Variants in SETBP1 observed in about 807,000 individuals in gnomAD.
The protein encoded by SETBP1 is SET-binding protein.
A neutral mutation model predicts 101.0 loss-of-function variants in SETBP1; 9 were observed. The ratio of observed to expected loss-of-function variants is 0.09; its 90% confidence interval spans 0.05 to 0.16. The LOEUF is 0.16. Ranked by LOEUF, SETBP1 falls within the 10% of genes least tolerant of loss-of-function variation. The pLI is 1.00. For synonymous variants in SETBP1, 818 were observed against 788.5 expected, an observed-to-expected ratio of 1.04 and a Z score of -0.63; for missense variants, 1,858 against 2,033.8, an observed-to-expected ratio of 0.91 and a Z score of 1.66.
intron 2 of SETBP1, among the ~76,000 whole-genome samples, chr18:44,732,105 A>G (rs910592570): frequency 2.0e-5 from 3 of 152,178 alleles, no homozygotes; most frequent in African/African-American, 7.2e-5. Context: ...TGTCTGTGTG[A>G]GTATGCAAAT....
At chr18:44,790,364 TG>T (rs1199788119) in intron 2 of SETBP1, among the ~76,000 whole-genome samples, 1 of 152,228 alleles carries the variant, frequency 6.6e-6, no homozygotes, top group Non-Finnish European at 1.5e-5. Flanking sequence ...TAGCACCACA[TG>T]GACTCTCGTT....
chr18:44,766,337 G>A (rs1490084325), intron 2 of SETBP1, among the ~76,000 whole-genome samples: 1 of 152,156 alleles, frequency 6.6e-6, no homozygotes, highest in Non-Finnish European at 1.5e-5. Flanking sequence ...TCTGTAAATT[G>A]GAATGATGAT....
upstream of SETBP1, among the ~76,000 whole-genome samples, chr18:44,680,562 C>A (rs2068741785): frequency 6.6e-6 from 1 of 152,084 alleles, no homozygotes; most frequent in Non-Finnish European, 1.5e-5. Flanking sequence ...AGGGGGAGAC[C>A]GGGCCGAGGG....
chr18:44,788,090 T>TA (rs2071284259), intron 2 of SETBP1, among the ~76,000 whole-genome samples: 1 of 151,734 alleles, frequency 6.6e-6, no homozygotes, highest in Non-Finnish European at 1.5e-5. Context: ...TCCCAGATGT[T>TA]AGGTGGAAAA....
Position 44,726,789 on chromosome 18 carries a change from A to G in SETBP1, c.486+24957A>G, listed in dbSNP as rs184964020. On this transcript the variant is annotated intron_variant, in intron 2 of 5. Coordinates refer to ENST00000649279, the MANE Select transcript of SETBP1 (RefSeq NM_015559.3). The stretch of plus-strand genomic sequence containing the variant: ...ACACAACTGTGTGCTTCGTTACATA[A>G]TTTGTTTTTGTAATAATACGTGGAG... Among the ~76,000 whole-genome samples the G allele has an allele frequency of 3.0e-4, 45 of 152,294 alleles. No homozygotes were observed. The East Asian group carries it at 4.4e-3, about 15-fold the overall frequency.
intron 3 of SETBP1, among the ~76,000 whole-genome samples, chr18:44,934,591 C>T (rs1055382998): frequency 8.5e-5 from 13 of 152,202 alleles, no homozygotes; most frequent in Non-Finnish European, 1.8e-4. Flanking sequence ...GTGTAGGAAA[C>T]TCTAGTGTAA....
In SETBP1 at chr18:44,734,097, G is replaced by T. The variant is rs116109362; in HGVS notation, c.486+32265G>T. Among the ~76,000 whole-genome samples the T allele has an allele frequency of 4.3e-3, 652 of 152,272 alleles. 4 individuals are homozygous for T. The highest frequency in any genetic ancestry group is 0.015 in the African/African-American group (608 of 41,538). ...GAAAATCAGACCCTGTTGAGGCCTGGTCCAGGGGCTTTCTAGTACACTAGT... is the reference window on the plus strand; with the variant it reads ...GAAAATCAGACCCTGTTGAGGCCTGTTCCAGGGGCTTTCTAGTACACTAGT... On this transcript the variant is annotated intron_variant, in intron 2 of 5. Transcript: ENST00000649279.
chr18:44,923,968 G>T (rs2070639061), intron 3 of SETBP1, among the ~76,000 whole-genome samples: 1 of 152,124 alleles, frequency 6.6e-6, no homozygotes, highest in Admixed American at 6.5e-5. Flanking sequence ...AGGTGCATTT[G>T]CAGAAGTCCC....
intron 3 of SETBP1, chr18:44,869,702 GC>G (rs999117417): frequency 6.1e-5 from 18 of 296,554 alleles, no homozygotes; most frequent in African/African-American, 3.5e-4. Flanking sequence ...AGGCCTGATA[GC>G]CAAGTTAATC....
chr18:44,781,102 G>T (rs1199198224), intron 2 of SETBP1, among the ~76,000 whole-genome samples: 1 of 152,196 alleles, frequency 6.6e-6, no homozygotes, highest in Non-Finnish European at 1.5e-5. Context: ...GGTAGGAACA[G>T]GGTACAGGGT....
intron 4 of SETBP1, among the ~76,000 whole-genome samples, chr18:44,962,107 C>T (rs562972939): frequency 1.3e-5 from 2 of 152,330 alleles, no homozygotes; most frequent in Admixed American, 6.5e-5. Context: ...ACTAAGTTAG[C>T]ATTCGTAAAA....
chr18:44,772,888 C>T (rs1347213078), intron 2 of SETBP1, among the ~76,000 whole-genome samples: 1 of 152,192 alleles, frequency 6.6e-6, no homozygotes, highest in African/African-American at 2.4e-5. Flanking sequence ...CCTTAAGCGT[C>T]TTCTACCTGA....
In SETBP1 at chr18:44,965,229, A is replaced by AT. The variant is rs1304749112; in HGVS notation, c.4000+11891dup. On this transcript the variant is annotated intron_variant, in intron 4 of 5. Coordinates refer to ENST00000649279, the MANE Select transcript of SETBP1 (RefSeq NM_015559.3). Reference sequence around the variant, plus strand: ...ATGTAATCAGCCAGTTTCTTTTACAATTACCACTCTCACTTCGCACACATA... The same window carrying AT: ...ATGTAATCAGCCAGTTTCTTTTACAATTTACCACTCTCACTTCGCACACATA... Among the ~76,000 whole-genome samples, 4 of 151,878 alleles carry AT rather than the reference A, an allele frequency of 2.6e-5. No homozygotes were observed. In the East Asian group the frequency reaches 7.8e-4, roughly 29 times the overall value.
At chr18:44,807,486 G>A (rs1325868480) in intron 2 of SETBP1, among the ~76,000 whole-genome samples, 1 of 151,970 alleles carries the variant, frequency 6.6e-6, no homozygotes, top group East Asian at 1.9e-4. Flanking sequence ...TTGTTTGTTT[G>A]TTTGTTTTTC....
intron 2 of SETBP1, among the ~76,000 whole-genome samples, chr18:44,772,158 TG>T (rs1267128977): frequency 6.6e-6 from 1 of 152,140 alleles, no homozygotes; most frequent in African/African-American, 2.4e-5. Flanking sequence ...TTTGATCTTC[TG>T]TGACCTGGGC....
intron 2 of SETBP1, among the ~76,000 whole-genome samples, chr18:44,769,364 A>G (rs144310908): frequency 8.2e-4 from 125 of 152,344 alleles, no homozygotes; most frequent in African/African-American, 2.9e-3. Flanking sequence ...TTGGGAGCAA[A>G]AGGTTCAAAA....
chr18:44,907,823 C>T (rs1302976016), intron 3 of SETBP1, among the ~76,000 whole-genome samples: 1 of 152,132 alleles, frequency 6.6e-6, no homozygotes, highest in East Asian at 1.9e-4. Flanking sequence ...TGCCAGTGAC[C>T]TTCGAAGCAT....
chr18:44,920,268 C>T (rs966450645), intron 3 of SETBP1, among the ~76,000 whole-genome samples: 19 of 151,964 alleles, frequency 1.3e-4, no homozygotes, highest in Non-Finnish European at 2.5e-4. Flanking sequence ...TGTATGAGGG[C>T]GAAATGGATT....
At chr18:44,862,763 A>G (rs1010158771) in intron 2 of SETBP1, among the ~76,000 whole-genome samples, 9 of 152,204 alleles carry the variant, frequency 5.9e-5, no homozygotes, top group African/African-American at 1.4e-4. Flanking sequence ...CAAAGTGTAA[A>G]CAAGCTCTTA....
Sources: allele counts gnomAD v4.1 joint callset (sites outside exome capture counted in the v4.1 genomes callset), GRCh38; gene constraint gnomAD v4.1.1; transcripts MANE v1.5; gene names NCBI Gene and HGNC (gene_info 2026-07-23, HGNC 2026-07-21).